PIK3C2G: variants seen among roughly 807,000 people sequenced by gnomAD.
PIK3C2G encodes phosphatidylinositol-4-phosphate 3-kinase catalytic subunit type 2 gamma.
PIK3C2G carries 168 observed loss-of-function variants against 181.1 expected under a neutral mutation model. The ratio of observed to expected loss-of-function variants is 0.93; its 90% CI spans 0.82 to 1.05. The LOEUF (loss-of-function observed/expected upper bound fraction) is 1.05, where lower values mean the gene tolerates loss of function less well. Ranked by LOEUF, PIK3C2G falls within the 50% of genes least tolerant of loss-of-function variation. PIK3C2G has a pLI of 0.00. For synonymous variants in PIK3C2G, 573 were observed against 592.2 expected, an observed-to-expected ratio of 0.97 and a Z score of 0.47; for missense variants, 1,869 against 1,732.8, an observed-to-expected ratio of 1.08 and a Z score of -1.40.
At chr12:18,475,409 C>CACACACACACACACA (rs1555091222) in intron 18 of PIK3C2G, among the ~76,000 whole-genome samples, 1 of 149,088 alleles carries the variant, frequency 6.7e-6, no homozygotes, top group Non-Finnish European at 1.5e-5. Context: ...CACACACACA[C>CACACACACACACACA]CATTTTTTTC....
chr12:18,647,559 G>A (rs549770093), intron 32 of PIK3C2G, among the ~76,000 whole-genome samples: 1 of 151,788 alleles, frequency 6.6e-6, no homozygotes, highest in Non-Finnish European at 1.5e-5. Context: ...TATTTATGGG[G>A]TATAAAAGGT....
chr12:18,342,205 G>C lies in PIK3C2G; in HGVS notation c.1396-1122G>C, dbSNP rs552368983. ...TAATAGTCTCACCCACATAGATAGA[G>C]TGGGGATCTTATATGTAGTTGTTAA... On this transcript the variant is annotated intron_variant, in intron 9 of 32. Coordinates refer to ENST00000538779, the MANE Select transcript of PIK3C2G (RefSeq NM_001288772.2). Among the ~76,000 whole-genome samples the C allele has an allele frequency of 2.0e-5, 3 of 152,138 alleles. No individual in the cohort carries two copies. In the South Asian group the frequency reaches 6.2e-4, roughly 32 times the overall value.
intron 10 of PIK3C2G, among the ~76,000 whole-genome samples, chr12:18,345,857 G>T (rs750429427): frequency 6.6e-6 from 1 of 152,112 alleles, no homozygotes; most frequent in East Asian, 1.9e-4. Context: ...ATAAACAACT[G>T]TATCGACTAA....
chr12:18,442,507 T>C (rs1383149694), intron 18 of PIK3C2G, among the ~76,000 whole-genome samples: 4 of 152,120 alleles, frequency 2.6e-5, no homozygotes, highest in Non-Finnish European at 5.9e-5. Context: ...AGGAGATTAG[T>C]TGAGGTGAAT....
At chr12:18,613,102 A>T (rs1948425876) in intron 31 of PIK3C2G, among the ~76,000 whole-genome samples, 3 of 152,126 alleles carry the variant, frequency 2.0e-5, no homozygotes, top group African/African-American at 7.2e-5. Context: ...GCACTTTTCC[A>T]TGTATCCGTC....
chr12:18,567,153 T>C, intron 29 of PIK3C2G, 96 bp downstream of exon 29: 2 of 649,810 alleles, frequency 3.1e-6, no homozygotes, highest in East Asian at 2.9e-5. Flanking sequence ...ATGCCAGTAC[T>C]TTGGGAGGTC....
At chr12:18,537,026 GTTTGT>G (rs754760818) in intron 24 of PIK3C2G, among the ~76,000 whole-genome samples, 2 of 151,970 alleles carry the variant, frequency 1.3e-5, no homozygotes, top group East Asian at 1.9e-4. Flanking sequence ...AAACTCGAGT[GTTTGT>G]TTTATTTTAA....
chr12:18,264,047 G>A (rs1297106861), intron 1 of PIK3C2G, among the ~76,000 whole-genome samples: 4 of 152,156 alleles, frequency 2.6e-5, no homozygotes, highest in African/African-American at 9.6e-5. Context: ...CAACTTGATT[G>A]ATGTTTGTTG....
At chr12:18,503,476 C>T in intron 23 of PIK3C2G, 59 bp downstream of exon 23, 1 of 1,214,082 alleles carries the variant, frequency 8.2e-7, no homozygotes, top group Non-Finnish European at 1.1e-6. Context: ...TGCTCTGGTT[C>T]ATTAGATATT....
chr12:18,711,390 G>C, the PIK3C2G span, among the ~76,000 whole-genome samples: 7 of 104,596 alleles, frequency 6.7e-5, no homozygotes, highest in African/African-American at 1.8e-4. Context: ...GTTGTGGGGT[G>C]GGGGGAGGGG....
At chr12:18,451,355 A>G (rs1287386565) in intron 18 of PIK3C2G, among the ~76,000 whole-genome samples, 1 of 152,062 alleles carries the variant, frequency 6.6e-6, no homozygotes, top group Non-Finnish European at 1.5e-5. Context: ...GTGGGAGTTC[A>G]CTCATGATTT....
rs772085286 is a variant in PIK3C2G at position 18,395,646 on chromosome 12, AAG to A, written c.2127-4012_2127-4011del. On this transcript the variant is annotated intron_variant, in intron 15 of 32. Transcript: ENST00000538779. ...TTACACATTTATTAATTTATTTAAAAAGTGATTGAAGAAAAATGAATCACAAT... is the reference window on the plus strand; with the variant it reads ...TTACACATTTATTAATTTATTTAAAATGATTGAAGAAAAATGAATCACAAT... 1.6e-3 allele frequency among the ~76,000 whole-genome samples: 245 copies of A among 151,160 alleles called. 1 individual carries two copies. Among genetic ancestry groups the A allele is most frequent in the Middle Eastern group, 3.4e-3 (1 of 292 alleles).
rs1404258069 is a variant in PIK3C2G, at chr12:18,303,130, CTTTCTTTCT to C, written c.1034+9123_1034+9131del. 3.5e-4 allele frequency among the ~76,000 whole-genome samples: 38 copies of C among 109,850 alleles called. 1 individual carries two copies. Among genetic ancestry groups the C allele is most frequent in the South Asian group, 2.2e-3 (8 of 3,686 alleles). The allele number at this position is 109,850 out of a possible 152,430, so 72.1% of individuals were successfully genotyped here. ...TCTTTCTTTCCTTCTTTCTTTCTTT[CTTTCTTTCT>C]TTTCTTTTCTTTCTTCTTTCTCTTT... is the stretch of plus-strand genomic sequence containing the variant. On this transcript the variant is annotated intron_variant, in intron 5 of 32. Transcript: ENST00000538779.
chr12:18,474,746 A>G (rs1565426662), intron 18 of PIK3C2G, among the ~76,000 whole-genome samples: 1 of 152,152 alleles, frequency 6.6e-6, no homozygotes, highest in Non-Finnish European at 1.5e-5. Flanking sequence ...GAACAGTATT[A>G]TAGAATCCTT....
chr12:18,716,445 C>T, the PIK3C2G span, among the ~76,000 whole-genome samples: 61 of 152,334 alleles, frequency 4.0e-4, no homozygotes, highest in Middle Eastern at 6.8e-3. Flanking sequence ...CAACCACTTA[C>T]ATGTGGAGGC....
intron 31 of PIK3C2G, among the ~76,000 whole-genome samples, chr12:18,638,304 T>C (rs1949690211): frequency 6.6e-6 from 1 of 152,202 alleles, no homozygotes; most frequent in Non-Finnish European, 1.5e-5. Flanking sequence ...AGTGCAGAGC[T>C]GATCCTCTCA....
intron 7 of PIK3C2G, among the ~76,000 whole-genome samples, chr12:18,322,099 A>T (rs1178470503): frequency 6.6e-6 from 1 of 152,102 alleles, no homozygotes; most frequent in Non-Finnish European, 1.5e-5. Context: ...AATAAAATAA[A>T]ATTGGCCAAG....
intron 18 of PIK3C2G, among the ~76,000 whole-genome samples, chr12:18,456,377 A>T (rs1374994072): frequency 2.0e-5 from 3 of 151,884 alleles, no homozygotes; most frequent in Non-Finnish European, 4.4e-5. Flanking sequence ...CAAGAGAAAG[A>T]GAAAAGCTCT....
intron 11 of PIK3C2G, among the ~76,000 whole-genome samples, chr12:18,350,471 T>C (rs1940120666): frequency 6.6e-6 from 1 of 152,178 alleles, no homozygotes; most frequent in African/African-American, 2.4e-5. Context: ...GGATACTGTG[T>C]GCACAGGGGC....
Sources: gnomAD v4.1 joint callset for allele counts (sites outside exome capture counted in the v4.1 genomes callset) on GRCh38, gnomAD v4.1.1 for gene constraint, MANE v1.5 for transcripts, NCBI Gene and HGNC (gene_info 2026-07-23, HGNC 2026-07-21) for gene names.